MAP2K6: variants seen among roughly 807,000 people sequenced by gnomAD.
MAP2K6 encodes the protein mitogen-activated protein kinase kinase 6, also known as dual specificity mitogen-activated protein kinase kinase 6.
MAP2K6 carries 16 observed loss-of-function variants against 53.7 expected under a neutral mutation model. The observed-to-expected ratio is 0.30, with a 90% CI of 0.20 to 0.45. The LOEUF (loss-of-function observed/expected upper bound fraction) is 0.45. MAP2K6 is among the 20% of genes least tolerant of loss of function. The pLI, the probability that MAP2K6 is intolerant of heterozygous loss-of-function variation, is 1.00. For synonymous variants in MAP2K6, 132 were observed against 143.1 expected, an observed-to-expected ratio of 0.92 and a Z score of 0.55; for missense variants, 204 against 411.9, an observed-to-expected ratio of 0.50 and a Z score of 4.37.
intron 1 of MAP2K6, among the ~76,000 whole-genome samples, chr17:69,458,236 A>G (rs1370153364): frequency 6.6e-6 from 1 of 152,138 alleles, no homozygotes; most frequent in Non-Finnish European, 1.5e-5. Flanking sequence ...TATTCTTAGT[A>G]GAGATGGGGT....
chr17:69,540,116 A>C (rs181679735), intron 11 of MAP2K6, among the ~76,000 whole-genome samples: 2 of 152,080 alleles, frequency 1.3e-5, no homozygotes, highest in African/African-American at 2.4e-5. Context: ...TCCCATTTGC[A>C]TTGTTTCCTA....
At chr17:69,509,378 A>G (rs1360047942) in intron 2 of MAP2K6, among the ~76,000 whole-genome samples, 4 of 152,138 alleles carry the variant, frequency 2.6e-5, no homozygotes, top group Admixed American at 1.3e-4. Flanking sequence ...TTGATTTGTG[A>G]ACTTGGTTTT....
chr17:69,425,914 G>A lies in MAP2K6; in HGVS notation c.16+10914G>A, dbSNP rs570492838. On this transcript the variant is annotated intron_variant, in intron 1 of 11. Coordinates refer to ENST00000590474, the MANE Select transcript of MAP2K6 (RefSeq NM_002758.4). ...TTTTTGTGATATTTGTAAACCTTGC[G>A]AGGCAGTCTTCACAGTTTATTTACC... Among the ~76,000 whole-genome samples, 8 of 152,006 alleles carry A rather than the reference G, an allele frequency of 5.3e-5. No homozygotes were observed. In the South Asian group the frequency reaches 1.2e-3, roughly 24 times the overall value.
At chr17:69,423,318 A>G (rs1906157413) in intron 1 of MAP2K6, among the ~76,000 whole-genome samples, 1 of 152,172 alleles carries the variant, frequency 6.6e-6, no homozygotes, top group Admixed American at 6.5e-5. Flanking sequence ...TCGACAAACA[A>G]AGTTTTATTG....
intron 1 of MAP2K6, among the ~76,000 whole-genome samples, chr17:69,489,133 T>C (rs1908651477): frequency 1.3e-5 from 2 of 148,168 alleles, no homozygotes; most frequent in South Asian, 4.2e-4. Flanking sequence ...GGCAGGAGAA[T>C]CACTTGAACC....
At chr17:69,417,175 G>A (rs1193925257) in intron 1 of MAP2K6, among the ~76,000 whole-genome samples, 2 of 152,148 alleles carry the variant, frequency 1.3e-5, no homozygotes, top group African/African-American at 2.4e-5. Context: ...AGAGCCAGCC[G>A]CCTTGGCCTG....
At chr17:69,497,341 T>C (rs1908991192) in intron 1 of MAP2K6, among the ~76,000 whole-genome samples, 1 of 152,190 alleles carries the variant, frequency 6.6e-6, no homozygotes, top group Admixed American at 6.5e-5. Context: ...AAAAACATAC[T>C]TGAGCTGAGT....
chr17:69,440,615 AAAC>A (rs1205419796), intron 1 of MAP2K6, among the ~76,000 whole-genome samples: 1 of 152,152 alleles, frequency 6.6e-6, no homozygotes, highest in Non-Finnish European at 1.5e-5. Flanking sequence ...TTTTTTAAAA[AAAC>A]AGTAGATCTG....
intron 1 of MAP2K6, among the ~76,000 whole-genome samples, chr17:69,492,363 G>A (rs573809886): frequency 1.1e-4 from 17 of 152,276 alleles, no homozygotes; most frequent in African/African-American, 4.1e-4. Context: ...TCAACCTTCT[G>A]CATATAGCTA....
chr17:69,523,511 C>T lies in MAP2K6; in HGVS notation c.536-3C>T, dbSNP rs1381196764. 1 of 1,613,264 alleles carries T rather than the reference C, an allele frequency of 6.2e-7. No individual in the cohort carries two copies. The highest frequency in any genetic ancestry group is 1.3e-5 in the African/African-American group (1 of 74,906). ...ATGGCATCCTGGTTGTTTTCGCTTT[C>T]AGACGTCAAGCCTTCTAATGTACTC... On this transcript the variant is annotated splice_polypyrimidine_tract_variant and splice_region_variant and intron_variant, in intron 7 of 11. Coordinates refer to ENST00000590474, the MANE Select transcript of MAP2K6 (RefSeq NM_002758.4).
chr17:69,449,932 TTCTTTCTTTA>T (rs1214232576), intron 1 of MAP2K6, among the ~76,000 whole-genome samples: 1 of 147,934 alleles, frequency 6.8e-6, no homozygotes, highest in Non-Finnish European at 1.5e-5. Context: ...CTTTCTCTCT[TTCTTTCTTTA>T]TCTTTCTTTC....
intron 10 of MAP2K6, among the ~76,000 whole-genome samples, chr17:69,528,015 A>G (rs1269483637): frequency 6.7e-6 from 1 of 148,682 alleles, no homozygotes; most frequent in Non-Finnish European, 1.5e-5. Flanking sequence ...AGGCTGAGGC[A>G]GGAGAACCGC....
chr17:69,449,306 T>C (rs1211885062), intron 1 of MAP2K6, among the ~76,000 whole-genome samples: 1 of 151,828 alleles, frequency 6.6e-6, no homozygotes, highest in African/African-American at 2.4e-5. Flanking sequence ...ACATAAACTA[T>C]ACATAGATAG....
At chr17:69,497,943 T>C (rs1263983309) in intron 1 of MAP2K6, among the ~76,000 whole-genome samples, 1 of 152,080 alleles carries the variant, frequency 6.6e-6, no homozygotes, top group African/African-American at 2.4e-5. Context: ...ACTTCGTATG[T>C]GAGACCATTT....
At chr17:69,528,006 G>T (rs1910865728) in intron 10 of MAP2K6, among the ~76,000 whole-genome samples, 1 of 151,632 alleles carries the variant, frequency 6.6e-6, no homozygotes. Flanking sequence ...AATCTCGGGA[G>T]GCTGAGGCAG....
At chr17:69,520,411 C>A in intron 6 of MAP2K6, 25 bp downstream of exon 6, 1 of 1,360,558 alleles carries the variant, frequency 7.3e-7, no homozygotes, top group Non-Finnish European at 1.0e-6. Flanking sequence ...ATCCCTACTG[C>A]AAGGATAATG....
intron 1 of MAP2K6, among the ~76,000 whole-genome samples, chr17:69,458,412 C>T (rs1382802534): frequency 6.6e-6 from 1 of 152,186 alleles, no homozygotes; most frequent in East Asian, 1.9e-4. Context: ...GAATCAGAAT[C>T]CCAGTGGGGA....
chr17:69,541,532 G>T, intron 11 of MAP2K6, 144 bp from the exon 12 acceptor site: 1 of 499,108 alleles, frequency 2.0e-6, no homozygotes, highest in Non-Finnish European at 3.6e-6. Flanking sequence ...ATGTGTGCTT[G>T]ATTTTGGAAA....
chr17:69,475,271 C>T (rs1908111032), intron 1 of MAP2K6, among the ~76,000 whole-genome samples: 2 of 151,252 alleles, frequency 1.3e-5, no homozygotes, highest in African/African-American at 4.9e-5. Context: ...CGGGTTCACG[C>T]CATTCTCCTG....
Sources: allele counts gnomAD v4.1 joint callset (sites outside exome capture counted in the v4.1 genomes callset), GRCh38; gene constraint gnomAD v4.1.1; transcripts MANE v1.5; gene names NCBI Gene and HGNC (gene_info 2026-07-23, HGNC 2026-07-21).